EFNA5: variants seen among roughly 807,000 people sequenced by gnomAD.
EFNA5 encodes ephrin-A5.
In EFNA5, 5 loss-of-function variants were observed where a neutral mutation model predicts 22.9. That is an observed-to-expected ratio of 0.22 (90% CI 0.11 to 0.46). The LOEUF (loss-of-function observed/expected upper bound fraction) is 0.46. Among genes scored for constraint, EFNA5 ranks in the 20% least tolerant of loss-of-function variants. The pLI, the probability that EFNA5 is intolerant of heterozygous loss-of-function variation, is 0.99. For synonymous variants in EFNA5, 113 were observed against 112.2 expected (o/e 1.01, Z -0.04); for missense variants, 237 against 293.3 (o/e 0.81, Z 1.40).
chr5:107,648,654 C>T (rs1750672748), intron 1 of EFNA5, among the ~76,000 whole-genome samples: 1 of 152,126 alleles, frequency 6.6e-6, no homozygotes, highest in Admixed American at 6.6e-5. Flanking sequence ...CAGGATTCAA[C>T]TCATCAACTC....
At chr5:107,623,027 CAAAAAAAA>C (rs61689503) in intron 1 of EFNA5, among the ~76,000 whole-genome samples, 4 of 29,900 alleles carry the variant, frequency 1.3e-4, no homozygotes, top group East Asian at 2.0e-3. Context: ...GACTCCGTCT[CAAAAAAAA>C]AAAAAAAAAA....
chr5:107,563,771 T>C (rs891012339), intron 1 of EFNA5, among the ~76,000 whole-genome samples: 5 of 152,294 alleles, frequency 3.3e-5, no homozygotes, highest in South Asian at 2.1e-4. Flanking sequence ...TGAGTCTCCT[T>C]GTATCTAAAT....
intron 1 of EFNA5, among the ~76,000 whole-genome samples, chr5:107,555,948 A>G (rs575858453): frequency 5.1e-4 from 77 of 152,308 alleles, no homozygotes; most frequent in African/African-American, 1.7e-3. Flanking sequence ...CTCCTCCTAT[A>G]AAGATCAGGC....
At chr5:107,584,742 G>C (rs191751103) in intron 1 of EFNA5, among the ~76,000 whole-genome samples, 1 of 152,282 alleles carries the variant, frequency 6.6e-6, no homozygotes, top group East Asian at 1.9e-4. Context: ...ATGGGACTTT[G>C]TGTGAATTTC....
chr5:107,474,841 A>T (rs1475362938), intron 1 of EFNA5, among the ~76,000 whole-genome samples: 1 of 152,202 alleles, frequency 6.6e-6, no homozygotes, highest in Non-Finnish European at 1.5e-5. Context: ...ATGAATGACT[A>T]ATTAAGGGCC....
intron 2 of EFNA5, among the ~76,000 whole-genome samples, chr5:107,396,655 A>G (rs527604930): frequency 5.3e-4 from 80 of 152,292 alleles, no homozygotes; most frequent in African/African-American, 1.9e-3. Flanking sequence ...TCTCTAGCAT[A>G]AATTTTAAAA....
intron 1 of EFNA5, among the ~76,000 whole-genome samples, chr5:107,632,934 A>G (rs1750289629): frequency 6.6e-6 from 1 of 152,182 alleles, no homozygotes; most frequent in African/African-American, 2.4e-5. Flanking sequence ...TCACCTTATA[A>G]TTCAGTATTT....
At chr5:107,487,273 C>T (rs954514946) in intron 1 of EFNA5, among the ~76,000 whole-genome samples, 5 of 152,158 alleles carry the variant, frequency 3.3e-5, no homozygotes, top group Non-Finnish European at 5.9e-5. Flanking sequence ...TGGCAGGATT[C>T]ACTTCCTCTG....
At chr5:107,593,079 A>G (rs1355157323) in intron 1 of EFNA5, among the ~76,000 whole-genome samples, 1 of 152,206 alleles carries the variant, frequency 6.6e-6, no homozygotes, top group Non-Finnish European at 1.5e-5. Flanking sequence ...TCATGCTCCT[A>G]GTTAGCAGTT....
chr5:107,617,650 A>C (rs1195366077), intron 1 of EFNA5, among the ~76,000 whole-genome samples: 2 of 152,228 alleles, frequency 1.3e-5, no homozygotes, highest in African/African-American at 4.8e-5. Context: ...GGAAATAGGA[A>C]GAATTAATAA....
chr5:107,489,123 T>C (rs1305509015), intron 1 of EFNA5, among the ~76,000 whole-genome samples: 1 of 152,212 alleles, frequency 6.6e-6, no homozygotes, highest in East Asian at 1.9e-4. Flanking sequence ...ACTATTACCA[T>C]CATTACAATA....
At chr5:107,542,142 C>G (rs1405923850) in intron 1 of EFNA5, among the ~76,000 whole-genome samples, 1 of 152,060 alleles carries the variant, frequency 6.6e-6, no homozygotes, top group African/African-American at 2.4e-5. Context: ...ACAATGGGGC[C>G]ACACTTTCAG....
intron 1 of EFNA5, among the ~76,000 whole-genome samples, chr5:107,527,622 T>C (rs1580513309): frequency 1.3e-5 from 2 of 152,106 alleles, no homozygotes; most frequent in East Asian, 1.9e-4. Flanking sequence ...TTGGGGTGTG[T>C]GTTAGGGGAA....
chr5:107,666,428 A>T (rs1580591261), intron 1 of EFNA5, among the ~76,000 whole-genome samples: 1 of 152,162 alleles, frequency 6.6e-6, no homozygotes, highest in Admixed American at 6.5e-5. Flanking sequence ...CACAACTCCA[A>T]GATTACGTGT....
chr5:107,499,197 C>G (rs922620252), intron 1 of EFNA5, among the ~76,000 whole-genome samples: 1 of 151,792 alleles, frequency 6.6e-6, no homozygotes, highest in Admixed American at 6.6e-5. Context: ...TTTTTTAAAT[C>G]GGGAGAAAGT....
intron 2 of EFNA5, chr5:107,388,589 A>T (rs1747700293): frequency 6.6e-6 from 1 of 152,170 alleles, no homozygotes; most frequent in South Asian, 2.1e-4. Context: ...TGGTTGAAAG[A>T]TTATCTCCCC....
At chr5:107,479,996 A>T (rs1750413685) in intron 1 of EFNA5, among the ~76,000 whole-genome samples, 1 of 152,230 alleles carries the variant, frequency 6.6e-6, no homozygotes. Context: ...AGAAAGATTA[A>T]ATACCAAAAC....
intron 1 of EFNA5, among the ~76,000 whole-genome samples, chr5:107,553,980 A>G (rs945347848): frequency 3.9e-4 from 59 of 152,310 alleles, no homozygotes; most frequent in African/African-American, 1.3e-3. Context: ...ATTATTATTT[A>G]GCCTGGGATG....
intron 1 of EFNA5, among the ~76,000 whole-genome samples, chr5:107,570,509 A>C (rs1015156445): frequency 6.6e-6 from 1 of 152,218 alleles, no homozygotes; most frequent in African/African-American, 2.4e-5. Flanking sequence ...TAATACACAG[A>C]GAAAGCTTTT....
Sources: allele counts gnomAD v4.1 joint callset (sites outside exome capture counted in the v4.1 genomes callset), GRCh38; gene constraint gnomAD v4.1.1; transcripts MANE v1.5; gene names NCBI Gene and HGNC (gene_info 2026-07-23, HGNC 2026-07-21).